The following ORC4 variants were observed in gnomAD, a reference collection of about 807,000 sequenced individuals.
The protein encoded by ORC4 is origin recognition complex subunit 4.
Under a neutral mutation model 63.9 loss-of-function variants are expected in ORC4, and 55 were observed. The ratio of observed to expected loss-of-function variants is 0.86; its 90% CI spans 0.69 to 1.08. The LOEUF (loss-of-function observed/expected upper bound fraction) is 1.08. Ranked by LOEUF, ORC4 falls within the 50% of genes least tolerant of loss-of-function variation. ORC4 has a pLI of 0.00. For synonymous variants in ORC4, 150 were observed against 168.5 expected, an observed-to-expected ratio of 0.89 and a Z score of 0.85; for missense variants, 511 against 504.4, an observed-to-expected ratio of 1.01 and a Z score of -0.13.
At chr2:147,967,881 C>A (rs1030362194) in intron 4 of ORC4, among the ~76,000 whole-genome samples, 2 of 152,042 alleles carry the variant, frequency 1.3e-5, no homozygotes, top group Admixed American at 1.3e-4. Context: ...AGTCAACATA[C>A]TGCCTTACTT....
intron 1 of ORC4, among the ~76,000 whole-genome samples, chr2:147,979,114 G>C (rs532219929): frequency 6.6e-6 from 1 of 151,894 alleles, no homozygotes; most frequent in Admixed American, 6.6e-5. Flanking sequence ...CTAGCCAGAG[G>C]AATTAGGTAA....
chr2:147,973,007 C>A (rs992059947), intron 3 of ORC4, among the ~76,000 whole-genome samples, 178 bp from the exon 4 acceptor site: 1 of 152,076 alleles, frequency 6.6e-6, no homozygotes, highest in African/African-American at 2.4e-5. Context: ...AATAGTAGGG[C>A]AGTATTGATT....
intron 4 of ORC4, chr2:147,960,337 C>T: frequency 1.0e-6 from 1 of 978,388 alleles, no homozygotes; most frequent in Non-Finnish European, 1.2e-6. Flanking sequence ...GCAAGTGAGT[C>T]TTCAAATAAT....
In ORC4 at chr2:147,930,460, T is replaced by C. The variant is rs1007457187; in HGVS notation, c.*5050A>G. On this transcript the variant is annotated 3_prime_UTR_variant, in exon 14 of 14. Coordinates refer to ENST00000392857, the MANE Select transcript of ORC4 (RefSeq NM_181741.4). ...CTTTTTAGGAACATTTGGTATGATATGCATAAAATTATTTATCCATTTATG... is the reference window on the plus strand; with the variant it reads ...CTTTTTAGGAACATTTGGTATGATACGCATAAAATTATTTATCCATTTATG... 1.3e-5 allele frequency: 2 copies of C among 152,336 alleles called. No homozygotes were observed. The highest frequency in any genetic ancestry group is 2.9e-5 in the Non-Finnish European group (2 of 67,956). 9.4% of individuals were successfully genotyped at this position (152,336 alleles called of 1,614,324 possible).
intron 1 of ORC4, among the ~76,000 whole-genome samples, chr2:147,990,172 G>T (rs1022277512): frequency 2.6e-5 from 4 of 152,134 alleles, no homozygotes; most frequent in African/African-American, 9.7e-5. Context: ...TCAAAGATAG[G>T]TAAGTATGGA....
chr2:147,977,299 A>C (rs1381570198), intron 1 of ORC4, among the ~76,000 whole-genome samples: 1 of 152,200 alleles, frequency 6.6e-6, no homozygotes, highest in Non-Finnish European at 1.5e-5. Context: ...TAACACCCTG[A>C]ATTTAGCTCA....
chr2:147,969,349 T>C (rs1397949169), intron 4 of ORC4, among the ~76,000 whole-genome samples: 5 of 152,078 alleles, frequency 3.3e-5, no homozygotes, highest in African/African-American at 1.2e-4. Context: ...ATTATTCTGA[T>C]TTGATCACTA....
chr2:147,944,833 C>T (rs933949779), intron 9 of ORC4, among the ~76,000 whole-genome samples: 1 of 151,870 alleles, frequency 6.6e-6, no homozygotes, highest in Admixed American at 6.6e-5. Flanking sequence ...ATTTTATACT[C>T]TCAGGAAATA....
At chr2:147,936,620 C>G (rs1688064404) in intron 13 of ORC4, 1 of 152,124 alleles carries the variant, frequency 6.6e-6, no homozygotes, top group African/African-American at 2.4e-5. Context: ...ATACTGGAGG[C>G]TGCAGGTGTT....
intron 1 of ORC4, among the ~76,000 whole-genome samples, chr2:148,014,682 A>G (rs1693157957): frequency 6.6e-6 from 1 of 152,246 alleles, no homozygotes; most frequent in Non-Finnish European, 1.5e-5. Flanking sequence ...TATTTTTAAA[A>G]ACACGACTAT....
rs965405449 is a variant in ORC4, at chr2:147,932,931, T to G, written c.*2579A>C. On this transcript the variant is annotated 3_prime_UTR_variant, in exon 14 of 14. Coordinates refer to ENST00000392857, the MANE Select transcript of ORC4 (RefSeq NM_181741.4). The stretch of plus-strand genomic sequence containing the variant: ...TGCAAAACGTGATTCATTAGGACAT[T>G]AACAGGTATTACGTTTTCAACATAT... 3 of 152,126 alleles carry G rather than the reference T, an allele frequency of 2.0e-5. No individual in the cohort carries two copies. Among genetic ancestry groups the G allele is most frequent in the Non-Finnish European group, 2.9e-5 (2 of 68,022 alleles). The allele number at this position is 152,126 out of a possible 1,614,324, so 9.4% of individuals were successfully genotyped here.
intron 1 of ORC4, among the ~76,000 whole-genome samples, chr2:147,979,187 A>G (rs1321986721): frequency 6.6e-6 from 1 of 152,224 alleles, no homozygotes; most frequent in African/African-American, 2.4e-5. Flanking sequence ...GTTTGCAGAT[A>G]ACATAATTTT....
chr2:147,975,629 G>A (rs992263044), intron 2 of ORC4, among the ~76,000 whole-genome samples: 2 of 151,672 alleles, frequency 1.3e-5, no homozygotes, highest in Non-Finnish European at 2.9e-5. Context: ...AAAAATATAT[G>A]AACTGACAAA....
rs575190150 is a variant in ORC4, at chr2:147,946,171, AT to A, written c.762+1879del. On this transcript the variant is annotated intron_variant, in intron 9 of 13. Transcript: ENST00000392857. Reference sequence around the variant, plus strand: ...ACCAGTAACTCCCAGCATCCTCTTTATTTATAGACTCAATTTGAGATGCTCA... The same window carrying A: ...ACCAGTAACTCCCAGCATCCTCTTTATTATAGACTCAATTTGAGATGCTCA... Among the ~76,000 whole-genome samples, 19 of 152,162 alleles carry A rather than the reference AT, an allele frequency of 1.2e-4. No homozygotes were observed. In the East Asian group the frequency reaches 3.3e-3, roughly 26 times the overall value.
At chr2:147,983,551 T>C (rs1052756122) in intron 1 of ORC4, among the ~76,000 whole-genome samples, 1 of 152,162 alleles carries the variant, frequency 6.6e-6, no homozygotes, top group Admixed American at 6.5e-5. Context: ...TAGGGACCTT[T>C]AAGGTTCATT....
rs926351674 is a variant in ORC4 at position 147,934,099 on chromosome 2, TA to T, written c.*1410del. The T allele has an allele frequency of 1.3e-5, 2 of 152,210 alleles. No individual in the cohort carries two copies. Among genetic ancestry groups the T allele is most frequent in the African/African-American group, 4.8e-5 (2 of 41,470 alleles). 9.4% of individuals were successfully genotyped at this position (152,210 alleles called of 1,614,324 possible). On this transcript the variant is annotated 3_prime_UTR_variant, in exon 14 of 14. Coordinates refer to ENST00000392857, the MANE Select transcript of ORC4 (RefSeq NM_181741.4). ...GTCTTAATAGCACTGGCTTTGGTGCTAAACTGAGTTGAATTCCAAGCCTGTT... is the reference window on the plus strand; with the variant it reads ...GTCTTAATAGCACTGGCTTTGGTGCTAACTGAGTTGAATTCCAAGCCTGTT...
rs142889918 is a variant in ORC4 at position 148,016,111 on chromosome 2, C to T, written c.-18+4522G>A. Among the ~76,000 whole-genome samples, 1,218 of 152,314 alleles carry T rather than the reference C, an allele frequency of 8.0e-3. 13 individuals are homozygous for T. The highest frequency in any genetic ancestry group is 0.041 in the South Asian group (197 of 4,824). On this transcript the variant is annotated intron_variant, in intron 1 of 13. Coordinates refer to ENST00000392857, the MANE Select transcript of ORC4 (RefSeq NM_181741.4). ...GCTCGATAAGTGGGTGCCTCACCAG[C>T]TGAGCAAAAATTTAAAAAAACACCG...
At chr2:147,981,318 G>A (rs1488959347) in intron 1 of ORC4, among the ~76,000 whole-genome samples, 1 of 152,140 alleles carries the variant, frequency 6.6e-6, no homozygotes, top group African/African-American at 2.4e-5. Context: ...TGGATACGCT[G>A]GACGAAGAAA....
intron 1 of ORC4, among the ~76,000 whole-genome samples, chr2:147,977,819 G>C (rs79964668): frequency 0.013 from 1,950 of 152,292 alleles, 48 homozygotes; most frequent in African/African-American, 0.044. Context: ...GGGAACCTGG[G>C]AGGGCTCCTA....
Sources: allele counts gnomAD v4.1 joint callset (sites outside exome capture counted in the v4.1 genomes callset), GRCh38; gene constraint gnomAD v4.1.1; transcripts MANE v1.5; gene names NCBI Gene and HGNC (gene_info 2026-07-23, HGNC 2026-07-21).